The following DPH6 variants were observed in gnomAD, a reference collection of about 807,000 sequenced individuals.
DPH6 encodes diphthine--ammonia ligase.
DPH6 carries 33 observed loss-of-function variants against 38.2 expected under a neutral mutation model. That is an observed-to-expected ratio of 0.86 (90% CI 0.65 to 1.15). The LOEUF (loss-of-function observed/expected upper bound fraction) is 1.15, where lower values mean the gene tolerates loss of function less well. DPH6 is among the 50% of genes most tolerant of loss of function. DPH6 has a pLI of 0.00. For missense variants in DPH6, 325 were observed against 320.0 expected (o/e 1.02, Z -0.12); for synonymous variants, 108 against 103.0 (o/e 1.05, Z -0.30).
At chr15:35,339,882 G>T (rs768607579) in intron 3 of DPH6, among the ~76,000 whole-genome samples, 2 of 152,106 alleles carry the variant, frequency 1.3e-5, no homozygotes, top group Non-Finnish European at 2.9e-5. Context: ...GAGTTTTGTA[G>T]ATATCTATCA....
At chr15:35,501,702 G>T in intron 3 of DPH6, among the ~76,000 whole-genome samples, 1 of 152,072 alleles carries the variant, frequency 6.6e-6, no homozygotes, top group East Asian at 1.9e-4. Flanking sequence ...AGAAACTTCA[G>T]AAACTTAAAA....
At chr15:35,483,927 A>C (rs2054362217) in intron 3 of DPH6, among the ~76,000 whole-genome samples, 1 of 152,226 alleles carries the variant, frequency 6.6e-6, no homozygotes, top group Non-Finnish European at 1.5e-5. Context: ...CAGCCAGCTA[A>C]ACAGACTACA....
chr15:35,243,455 G>GT (rs2051614764), intron 3 of DPH6, among the ~76,000 whole-genome samples: 1 of 142,844 alleles, frequency 7.0e-6, no homozygotes, highest in African/African-American at 2.5e-5. Flanking sequence ...TGACTTGCAC[G>GT]TATATGCCCA....
intron 3 of DPH6, among the ~76,000 whole-genome samples, chr15:35,224,810 C>T (rs144753889): frequency 6.6e-6 from 1 of 152,232 alleles, no homozygotes; most frequent in East Asian, 1.9e-4. Flanking sequence ...ACACTTTGTA[C>T]TTTGAAGTAA....
At chr15:35,177,412 AC>A in the DPH6 span, among the ~76,000 whole-genome samples, 1 of 144,932 alleles carries the variant, frequency 6.9e-6, no homozygotes, top group Non-Finnish European at 1.5e-5. Flanking sequence ...CCACCTCTCT[AC>A]AAAAATAATA....
chr15:35,530,428 T>C (rs2055069114), intron 3 of DPH6, among the ~76,000 whole-genome samples: 1 of 152,078 alleles, frequency 6.6e-6, no homozygotes, highest in Non-Finnish European at 1.5e-5. Context: ...CAATGTAAGA[T>C]ATATAGAGTA....
chr15:35,227,050 T>C (rs1413429293), intron 3 of DPH6, among the ~76,000 whole-genome samples: 1 of 152,130 alleles, frequency 6.6e-6, no homozygotes, highest in East Asian at 1.9e-4. Flanking sequence ...GTTTCAATCT[T>C]GGTAGGTTGT....
At chr15:35,270,014 G>C (rs1282687321) in intron 3 of DPH6, among the ~76,000 whole-genome samples, 3 of 119,598 alleles carry the variant, frequency 2.5e-5, no homozygotes, top group East Asian at 9.8e-4. Context: ...GGATGGTCTC[G>C]ATCTCCGATC....
chr15:35,499,386 T>C (rs2054597014), intron 3 of DPH6, among the ~76,000 whole-genome samples: 1 of 152,228 alleles, frequency 6.6e-6, no homozygotes, highest in South Asian at 2.1e-4. Flanking sequence ...TACAAATGCA[T>C]TATTGGGCTG....
chr15:35,155,559 G>A, the DPH6 span, among the ~76,000 whole-genome samples: 1 of 152,174 alleles, frequency 6.6e-6, no homozygotes, highest in East Asian at 1.9e-4. Context: ...CAGGGTGAAG[G>A]GCAAAGGGAG....
At chr15:35,509,334 A>T (rs1372067919) in intron 3 of DPH6, among the ~76,000 whole-genome samples, 1 of 152,178 alleles carries the variant, frequency 6.6e-6, no homozygotes, top group African/African-American at 2.4e-5. Context: ...TGGTTAGAGA[A>T]AAAAGAAAGC....
intron 6 of DPH6, among the ~76,000 whole-genome samples, chr15:35,406,235 G>A (rs1209676868): frequency 6.6e-6 from 1 of 151,910 alleles, no homozygotes; most frequent in Non-Finnish European, 1.5e-5. Flanking sequence ...GGATAACATG[G>A]AGGTAGGAGG....
At position 35,490,295 on chromosome 15, in the gene DPH6, T is replaced by C. The variant is rs892272390; in HGVS notation, c.313-35475A>G. On this transcript the variant is annotated intron_variant, in intron 3 of 8. Transcript: ENST00000256538. ...AAAGAGAGGTTTGTAGTAGACCAAATGAATGTGAGTAACTAATACATGAAC... is the reference window on the plus strand; with the variant it reads ...AAAGAGAGGTTTGTAGTAGACCAAACGAATGTGAGTAACTAATACATGAAC... The C allele has an allele frequency of 4.0e-5, 20 of 501,006 alleles. 1 individual carries two copies. The highest frequency in any genetic ancestry group is 4.9e-5 in the Non-Finnish European group (19 of 387,742). The allele number at this position is 501,006 out of a possible 1,614,324, so 31.0% of individuals were successfully genotyped here.
At chr15:35,350,647 G>A (rs930258168) in intron 3 of DPH6, among the ~76,000 whole-genome samples, 1 of 152,010 alleles carries the variant, frequency 6.6e-6, no homozygotes, top group South Asian at 2.1e-4. Context: ...ATTTTCACTT[G>A]ACCTAAGATA....
intron 6 of DPH6, among the ~76,000 whole-genome samples, chr15:35,388,828 T>C (rs2053010127): frequency 6.6e-6 from 1 of 152,234 alleles, no homozygotes; most frequent in Non-Finnish European, 1.5e-5. Flanking sequence ...GGGTTTTTTG[T>C]GTCTCTATTT....
In DPH6 at chr15:35,373,620, A is replaced by G; in HGVS notation, c.663-12T>C. 6.3e-7 allele frequency: 1 copy of G among 1,599,364 alleles called. No homozygotes were observed. Among genetic ancestry groups the G allele is most frequent in the South Asian group, 1.1e-5 (1 of 88,686 alleles). Reference sequence around the variant, plus strand: ...CTTCTGATGAATCCCTGAAATACAAAAATTTTACAATACATTTATATGCTA... The same window carrying G: ...CTTCTGATGAATCCCTGAAATACAAGAATTTTACAATACATTTATATGCTA... On this transcript the variant is annotated splice_polypyrimidine_tract_variant and intron_variant, in intron 7 of 8. Coordinates refer to ENST00000256538, the MANE Select transcript of DPH6 (RefSeq NM_080650.4).
intron 3 of DPH6, among the ~76,000 whole-genome samples, chr15:35,522,504 G>GTAAAA (rs915470076): frequency 2.6e-5 from 4 of 151,952 alleles, no homozygotes; most frequent in Middle Eastern, 3.2e-3. Context: ...AAAAAATTAA[G>GTAAAA]TAAAATAAAA....
chr15:35,510,130 C>A (rs7494799), intron 3 of DPH6, among the ~76,000 whole-genome samples: 3,339 of 152,232 alleles, frequency 0.022, 48 homozygotes, highest in South Asian at 0.086. Flanking sequence ...GTGGGAGGAT[C>A]TGAGCTCAGT....
At chr15:35,276,800 T>C (rs191598320) in intron 3 of DPH6, among the ~76,000 whole-genome samples, 1 of 152,210 alleles carries the variant, frequency 6.6e-6, no homozygotes, top group Non-Finnish European at 1.5e-5. Flanking sequence ...TGCCTATTTT[T>C]ATACAGTACC....
Sources: gnomAD v4.1 joint callset for allele counts (sites outside exome capture counted in the v4.1 genomes callset) on GRCh38, gnomAD v4.1.1 for gene constraint, MANE v1.5 for transcripts, NCBI Gene and HGNC (gene_info 2026-07-23, HGNC 2026-07-21) for gene names.